The following NCOA2 variants were observed in gnomAD, a reference collection of about 807,000 sequenced individuals.
The protein encoded by NCOA2 is nuclear receptor coactivator 2.
A neutral mutation model predicts 145.1 loss-of-function variants in NCOA2; 21 were observed. The observed-to-expected ratio is 0.14, with a 90% CI of 0.10 to 0.21. The LOEUF (loss-of-function observed/expected upper bound fraction) is 0.21, where lower values mean the gene tolerates loss of function less well. Ranked by LOEUF, NCOA2 falls within the 10% of genes least tolerant of loss-of-function variation. The pLI is 1.00. For missense variants in NCOA2, 1,472 were observed against 1,837.6 expected (o/e 0.80, Z 3.64); for synonymous variants, 619 against 637.5 (o/e 0.97, Z 0.44).
the NCOA2 span, among the ~76,000 whole-genome samples, chr8:70,417,245 TAAAAAAA>T: frequency 1.3e-5 from 1 of 78,044 alleles, no homozygotes; most frequent in Non-Finnish European, 2.1e-5. Context: ...TCGTCTCTAT[TAAAAAAA>T]AAAAAAAAAA....
At chr8:70,438,739 A>C in the NCOA2 span, among the ~76,000 whole-genome samples, 2 of 152,256 alleles carry the variant, frequency 1.3e-5, no homozygotes, top group Non-Finnish European at 2.9e-5. Flanking sequence ...AATAAATAAC[A>C]CTGGCTTCCA....
chr8:70,422,802 T>C, the NCOA2 span, among the ~76,000 whole-genome samples: 1 of 152,334 alleles, frequency 6.6e-6, no homozygotes, highest in Admixed American at 6.5e-5. Flanking sequence ...ATATTGTATA[T>C]ACAATTTTAT....
At chr8:70,175,941 C>A (rs2132793883) in intron 4 of NCOA2, among the ~76,000 whole-genome samples, 1 of 150,650 alleles carries the variant, frequency 6.6e-6, no homozygotes, top group East Asian at 1.9e-4. Flanking sequence ...TGGCTGAGAA[C>A]CTAGAAAACA....
the NCOA2 span, chr8:70,424,341 G>A: frequency 5.3e-6 from 2 of 379,060 alleles, no homozygotes; most frequent in East Asian, 6.8e-5. Context: ...TCAAGAACCA[G>A]TTGGGGATCT....
chr8:70,124,356 TTC>T (rs892614034), intron 20 of NCOA2, among the ~76,000 whole-genome samples: 35 of 151,802 alleles, frequency 2.3e-4, no homozygotes, highest in African/African-American at 7.2e-4. Context: ...CTTTCTTTCT[TTC>T]TGTTTTTTTT....
At chr8:70,180,707 T>C (rs1301219928) in intron 4 of NCOA2, among the ~76,000 whole-genome samples, 2 of 152,240 alleles carry the variant, frequency 1.3e-5, no homozygotes, top group Non-Finnish European at 2.9e-5. Flanking sequence ...TTTATTTGTT[T>C]ATTTTTAGAG....
At chr8:70,317,061 A>T (rs1805639889) in intron 1 of NCOA2, among the ~76,000 whole-genome samples, 1 of 152,146 alleles carries the variant, frequency 6.6e-6, no homozygotes, top group Non-Finnish European at 1.5e-5. Context: ...AGAGCACATG[A>T]ACTCTTGGGG....
intron 2 of NCOA2, among the ~76,000 whole-genome samples, chr8:70,231,380 T>C (rs1821118331): frequency 6.6e-6 from 1 of 152,242 alleles, no homozygotes. Context: ...AGGTGCAATA[T>C]GTTGAGGTCA....
chr8:70,413,799 C>A, the NCOA2 span, among the ~76,000 whole-genome samples: 3 of 152,082 alleles, frequency 2.0e-5, no homozygotes, highest in Admixed American at 2.0e-4. Context: ...TTTTTAACAT[C>A]TTTGATTAAA....
intron 1 of NCOA2, among the ~76,000 whole-genome samples, chr8:70,344,197 ACT>A (rs1412807142): frequency 2.0e-5 from 3 of 152,072 alleles, no homozygotes; most frequent in Non-Finnish European, 4.4e-5. Context: ...GAATCCATCG[ACT>A]CTCTACCTTG....
At position 70,163,082 on chromosome 8, in the gene NCOA2, T is replaced by C. The variant is rs116352487; in HGVS notation, c.833-228A>G. On this transcript the variant is annotated intron_variant, in intron 8 of 22. Coordinates refer to ENST00000452400, the MANE Select transcript of NCOA2 (RefSeq NM_006540.4). The stretch of plus-strand genomic sequence containing the variant: ...GGCGTGTACCACCACATTTGGCTAA[T>C]TTTTGTATTTTTAATACAGATGAGG... 5.9e-3 allele frequency among the ~76,000 whole-genome samples: 899 copies of C among 152,074 alleles called. 5 individuals carry two copies. Among genetic ancestry groups the C allele is most frequent in the African/African-American group, 0.02 (833 of 41,484 alleles).
At chr8:70,142,705 A>T (rs1371854145) in intron 13 of NCOA2, among the ~76,000 whole-genome samples, 1 of 152,200 alleles carries the variant, frequency 6.6e-6, no homozygotes, top group Non-Finnish European at 1.5e-5. Context: ...TCTCAAAAAT[A>T]AACTAAAATA....
At chr8:70,316,931 C>T (rs1307423761) in intron 1 of NCOA2, among the ~76,000 whole-genome samples, 1 of 152,082 alleles carries the variant, frequency 6.6e-6, no homozygotes, top group African/African-American at 2.4e-5. Flanking sequence ...CTTTTAAAGT[C>T]CCCTGTCTTC....
chr8:70,368,947 G>C (rs1034787668), intron 1 of NCOA2, among the ~76,000 whole-genome samples: 1 of 151,918 alleles, frequency 6.6e-6, no homozygotes, highest in African/African-American at 2.4e-5. Flanking sequence ...TGATATAATG[G>C]CTACTAAAAT....
chr8:70,173,404 C>T (rs1321974928), intron 5 of NCOA2, among the ~76,000 whole-genome samples: 1 of 152,094 alleles, frequency 6.6e-6, no homozygotes, highest in Non-Finnish European at 1.5e-5. Flanking sequence ...ATTTTCAAAT[C>T]AGTTTTTAAT....
chr8:70,281,355 CAAAAAAAAAAAAAAA>C (rs372574771), intron 2 of NCOA2, among the ~76,000 whole-genome samples: 1 of 60,992 alleles, frequency 1.6e-5, no homozygotes, highest in Non-Finnish European at 3.4e-5. Flanking sequence ...GACCCTGTCT[CAAAAAAAAAAAAAAA>C]AAAAAAAAAA....
intron 4 of NCOA2, among the ~76,000 whole-genome samples, chr8:70,198,401 G>A (rs1817563106): frequency 6.6e-6 from 1 of 152,172 alleles, no homozygotes; most frequent in Non-Finnish European, 1.5e-5. Context: ...GAGACAGCCT[G>A]GAAAGTACAA....
chr8:70,293,439 T>C (rs187166553), intron 2 of NCOA2, among the ~76,000 whole-genome samples: 104 of 152,312 alleles, frequency 6.8e-4, no homozygotes, highest in African/African-American at 2.4e-3. Context: ...TTTTAGTATA[T>C]AGCACTTAGT....
upstream of NCOA2, among the ~76,000 whole-genome samples, chr8:70,405,384 ATCT>A (rs1387350045): frequency 7.6e-6 from 1 of 132,218 alleles, no homozygotes; most frequent in Non-Finnish European, 1.6e-5. Context: ...TTGCACACCT[ATCT>A]AATGTTTGAA....
Sources: allele counts gnomAD v4.1 joint callset (sites outside exome capture counted in the v4.1 genomes callset), GRCh38; gene constraint gnomAD v4.1.1; transcripts MANE v1.5; gene names NCBI Gene and HGNC (gene_info 2026-07-23, HGNC 2026-07-21).